The following CSMD3 variants were observed in gnomAD, a reference collection of about 807,000 sequenced individuals.
The protein encoded by CSMD3 is CUB and sushi domain-containing protein 3.
In CSMD3, 177 loss-of-function variants were observed where a neutral mutation model predicts 435.2. The ratio of observed to expected loss-of-function variants is 0.41; its 90% CI spans 0.36 to 0.46. The LOEUF (loss-of-function observed/expected upper bound fraction) is 0.46. Among genes scored for constraint, CSMD3 ranks in the 20% least tolerant of loss-of-function variants. CSMD3 has a pLI of 0.34. For missense variants in CSMD3, 4,265 were observed against 4,504.6 expected (o/e 0.95, Z 1.52); for synonymous variants, 1,656 against 1,520.5 (o/e 1.09, Z -2.07).
intron 24 of CSMD3, among the ~76,000 whole-genome samples, chr8:112,571,746 G>C (rs1829534617): frequency 6.6e-6 from 1 of 151,816 alleles, no homozygotes; most frequent in African/African-American, 2.4e-5. Context: ...GCGGGTGCCT[G>C]TAATCCCAGC....
intron 27 of CSMD3, among the ~76,000 whole-genome samples, chr8:112,526,491 T>G (rs1162557764): frequency 6.6e-6 from 1 of 152,038 alleles, no homozygotes; most frequent in Non-Finnish European, 1.5e-5. Flanking sequence ...TTTGTATATT[T>G]TAACAACAGT....
chr8:113,079,247 T>C (rs1284152975), intron 5 of CSMD3, among the ~76,000 whole-genome samples: 2 of 152,174 alleles, frequency 1.3e-5, no homozygotes, highest in African/African-American at 2.4e-5. Context: ...CAATACATAA[T>C]GGTAGAAAAA....
intron 30 of CSMD3, among the ~76,000 whole-genome samples, chr8:112,500,362 A>G (rs2130897886): frequency 6.6e-6 from 1 of 152,342 alleles, no homozygotes; most frequent in Non-Finnish European, 1.5e-5. Context: ...TAAAAAAGCT[A>G]ATCTAAATAT....
chr8:113,431,129 C>T (rs570088323), intron 1 of CSMD3, among the ~76,000 whole-genome samples: 1 of 152,250 alleles, frequency 6.6e-6, no homozygotes, highest in South Asian at 2.1e-4. Context: ...GTAGGTATAC[C>T]TGGAAATACC....
intron 6 of CSMD3, among the ~76,000 whole-genome samples, chr8:112,977,058 G>C (rs1325217134): frequency 6.6e-6 from 1 of 151,922 alleles, no homozygotes; most frequent in Admixed American, 6.6e-5. Flanking sequence ...TCAAATTAGA[G>C]TTTGCTTTTT....
At chr8:112,385,065 T>C (rs1829812089) in intron 36 of CSMD3, among the ~76,000 whole-genome samples, 1 of 152,182 alleles carries the variant, frequency 6.6e-6, no homozygotes, top group African/African-American at 2.4e-5. Context: ...CTTCTTTAGC[T>C]ACAGTGGGGG....
intron 3 of CSMD3, among the ~76,000 whole-genome samples, chr8:113,249,051 G>T (rs2093309159): frequency 6.6e-6 from 1 of 151,962 alleles, no homozygotes; most frequent in African/African-American, 2.4e-5. Flanking sequence ...CATGGGGGTG[G>T]TTTCCTTCAT....
intron 5 of CSMD3, among the ~76,000 whole-genome samples, chr8:113,050,039 C>T (rs1029523622): frequency 1.6e-4 from 25 of 151,860 alleles, no homozygotes; most frequent in African/African-American, 5.5e-4. Context: ...TTCTCTTTAG[C>T]GGAAATAAAA....
intron 53 of CSMD3, among the ~76,000 whole-genome samples, chr8:112,300,327 T>C (rs2130746861): frequency 6.7e-6 from 1 of 149,600 alleles, no homozygotes; most frequent in Admixed American, 6.7e-5. Flanking sequence ...TAAACTAAGT[T>C]TACTTAAAAA....
At chr8:113,140,716 A>T (rs1410443842) in intron 4 of CSMD3, among the ~76,000 whole-genome samples, 1 of 151,044 alleles carries the variant, frequency 6.6e-6, no homozygotes, top group East Asian at 1.9e-4. Flanking sequence ...AACTAAATGA[A>T]AATGTAAAAA....
At chr8:112,236,231 T>C (rs191196649) in intron 67 of CSMD3, among the ~76,000 whole-genome samples, 2 of 151,922 alleles carry the variant, frequency 1.3e-5, no homozygotes, top group African/African-American at 4.8e-5. Context: ...TTAATATTTA[T>C]ATGGGTTATA....
chr8:112,521,624 C>A (rs1244009224), intron 27 of CSMD3, among the ~76,000 whole-genome samples: 5 of 151,742 alleles, frequency 3.3e-5, no homozygotes, highest in Non-Finnish European at 5.9e-5. Context: ...CACTAAATAA[C>A]TTCATAAGTT....
chr8:112,997,856 A>G (rs956140887), intron 6 of CSMD3, among the ~76,000 whole-genome samples: 5 of 83,664 alleles, frequency 6.0e-5, no homozygotes, highest in South Asian at 8.6e-4. Context: ...GTACATGTAT[A>G]TGTGTGTATA....
intron 3 of CSMD3, among the ~76,000 whole-genome samples, chr8:113,217,271 A>G (rs2092916209): frequency 1.3e-5 from 2 of 151,760 alleles, no homozygotes; most frequent in Non-Finnish European, 1.5e-5. Flanking sequence ...CCACTACAAC[A>G]TATTATCCAT....
At chr8:113,136,616 T>C (rs759194210) in intron 4 of CSMD3, among the ~76,000 whole-genome samples, 2 of 151,680 alleles carry the variant, frequency 1.3e-5, no homozygotes, top group Non-Finnish European at 2.9e-5. Context: ...TAGTTTGTCA[T>C]GGAGGATTAG....
At chr8:113,222,781 G>A (rs1229433564) in intron 3 of CSMD3, among the ~76,000 whole-genome samples, 2 of 150,924 alleles carry the variant, frequency 1.3e-5, no homozygotes, top group Non-Finnish European at 3.0e-5. Context: ...TTGTGATTGT[G>A]ATTTTTATAA....
intron 19 of CSMD3, among the ~76,000 whole-genome samples, chr8:112,648,670 T>A (rs1252480441): frequency 6.6e-6 from 1 of 152,170 alleles, no homozygotes; most frequent in Admixed American, 6.6e-5. Flanking sequence ...ACTGGATATA[T>A]TTGCTTTTAT....
chr8:112,704,670 G>T (rs2076461051), intron 13 of CSMD3, among the ~76,000 whole-genome samples: 1 of 152,094 alleles, frequency 6.6e-6, no homozygotes, highest in Admixed American at 6.6e-5. Flanking sequence ...TCTCTCAAGA[G>T]AATACATTGA....
At chr8:113,011,618 T>C (rs1352315596) in intron 6 of CSMD3, among the ~76,000 whole-genome samples, 1 of 151,852 alleles carries the variant, frequency 6.6e-6, no homozygotes, top group Non-Finnish European at 1.5e-5. Context: ...CTTCTTTACA[T>C]TTATAAACTT....
Sources: gnomAD v4.1 joint callset for allele counts (sites outside exome capture counted in the v4.1 genomes callset) on GRCh38, gnomAD v4.1.1 for gene constraint, MANE v1.5 for transcripts, NCBI Gene and HGNC (gene_info 2026-07-23, HGNC 2026-07-21) for gene names.